Variants in DPP6 observed in about 807,000 individuals in gnomAD.
DPP6 encodes dipeptidyl peptidase like 6.
A neutral mutation model predicts 122.6 loss-of-function variants in DPP6; 69 were observed. The ratio of observed to expected loss-of-function variants is 0.56; its 90% CI spans 0.46 to 0.69. The LOEUF (loss-of-function observed/expected upper bound fraction) is 0.69, where lower values mean the gene tolerates loss of function less well. DPP6 is among the 30% of genes least tolerant of loss of function. The probability of loss-of-function intolerance (pLI) is 0.00; values close to 1 mark genes in which losing one functional copy is unlikely to be tolerated. For missense variants in DPP6, 928 were observed against 1,116.9 expected (o/e 0.83, Z 2.41); for synonymous variants, 418 against 433.1 (o/e 0.97, Z 0.43).
At chr7:153,983,872 G>A (rs1189927627) in intron 1 of DPP6, among the ~76,000 whole-genome samples, 1 of 152,008 alleles carries the variant, frequency 6.6e-6, no homozygotes. Context: ...TCCATGGGCT[G>A]CACCCACTGT....
chr7:154,134,692 C>T (rs1176455500), intron 1 of DPP6, among the ~76,000 whole-genome samples: 6 of 152,158 alleles, frequency 3.9e-5, no homozygotes, highest in Non-Finnish European at 8.8e-5. Context: ...GTGTATACTT[C>T]CTTTGAGCGT....
At chr7:154,583,287 C>T (rs1319258154) in intron 5 of DPP6, among the ~76,000 whole-genome samples, 1 of 152,196 alleles carries the variant, frequency 6.6e-6, no homozygotes, top group African/African-American at 2.4e-5. Context: ...TGACGGCTCA[C>T]CTCTTGTGTA....
upstream of DPP6, among the ~76,000 whole-genome samples, chr7:153,885,567 C>G (rs1010377295): frequency 6.6e-6 from 1 of 152,160 alleles, no homozygotes. Context: ...GCACCTTGGT[C>G]TTGGACTTCC....
At chr7:154,699,371 C>T (rs1328395646) in intron 7 of DPP6, among the ~76,000 whole-genome samples, 1 of 152,276 alleles carries the variant, frequency 6.6e-6, no homozygotes, top group East Asian at 1.9e-4. Flanking sequence ...TGACAAGTCT[C>T]GGATCTAACT....
the DPP6 span, among the ~76,000 whole-genome samples, chr7:153,752,138 A>G: frequency 1.3e-5 from 2 of 152,198 alleles, no homozygotes; most frequent in Non-Finnish European, 2.9e-5. Context: ...GCCACACAAG[A>G]TGAGGCATTA....
At chr7:154,571,310 G>A (rs1831095473) in intron 5 of DPP6, among the ~76,000 whole-genome samples, 1 of 152,026 alleles carries the variant, frequency 6.6e-6, no homozygotes, top group South Asian at 2.1e-4. Flanking sequence ...GAAAAAGAAT[G>A]TAAAATGCAT....
At chr7:154,180,415 C>G (rs1325780016) in intron 1 of DPP6, among the ~76,000 whole-genome samples, 1 of 139,336 alleles carries the variant, frequency 7.2e-6, no homozygotes, top group Non-Finnish European at 1.5e-5. Context: ...ATATATATAT[C>G]TATATATAAT....
intron 4 of DPP6, among the ~76,000 whole-genome samples, chr7:154,545,927 T>G (rs1404229264): frequency 6.6e-6 from 1 of 152,216 alleles, no homozygotes; most frequent in African/African-American, 2.4e-5. Context: ...ATTTATATAG[T>G]CATTCATTGT....
In DPP6 at chr7:154,456,383, T is replaced by G. The variant is rs532180233; in HGVS notation, c.358+10055T>G. Among the ~76,000 whole-genome samples, 6 of 152,292 alleles carry G rather than the reference T, an allele frequency of 3.9e-5. No homozygotes were observed. The East Asian group carries it at 1.2e-3, about 29-fold the overall frequency. ...CACCAGAAGTTCAGTTAAGTGATAA[T>G]TTGCAGGACCTCCCATTTAATCAGT... is the stretch of plus-strand genomic sequence containing the variant. On this transcript the variant is annotated intron_variant, in intron 2 of 25. Coordinates refer to ENST00000377770, the MANE Select transcript of DPP6 (RefSeq NM_130797.4).
chr7:154,438,650 T>C (rs1321437767), intron 1 of DPP6, among the ~76,000 whole-genome samples: 1 of 152,148 alleles, frequency 6.6e-6, no homozygotes, highest in Non-Finnish European at 1.5e-5. Flanking sequence ...CCTTTTTGCC[T>C]TTGTCTCTTT....
At chr7:154,465,562 T>C (rs889405141) in intron 2 of DPP6, among the ~76,000 whole-genome samples, 21 of 152,208 alleles carry the variant, frequency 1.4e-4, no homozygotes, top group African/African-American at 4.8e-4. Context: ...GAACAGACAC[T>C]TTTCAAAAGA....
At chr7:154,130,913 G>A (rs1221687664) in intron 1 of DPP6, among the ~76,000 whole-genome samples, 2 of 152,158 alleles carry the variant, frequency 1.3e-5, no homozygotes, top group African/African-American at 4.8e-5. Context: ...GACATGTCCA[G>A]GTCCTTCAGA....
intron 3 of DPP6, among the ~76,000 whole-genome samples, chr7:154,510,230 T>A (rs10247421): frequency 0.27 from 40,752 of 152,024 alleles, 5,702 homozygotes; most frequent in Middle Eastern, 0.3. Context: ...CACTCAACCA[T>A]GAGAAATACT....
chr7:154,366,752 G>T (rs757157878), intron 1 of DPP6, among the ~76,000 whole-genome samples: 3 of 151,938 alleles, frequency 2.0e-5, no homozygotes, highest in African/African-American at 4.8e-5. Context: ...TAGTTAAATG[G>T]GATAAAAAAA....
chr7:154,115,454 T>G (rs1806915691), intron 1 of DPP6, among the ~76,000 whole-genome samples: 1 of 152,244 alleles, frequency 6.6e-6, no homozygotes, highest in East Asian at 1.9e-4. Flanking sequence ...ATCTTCATTC[T>G]CATGGCTCTT....
chr7:154,642,853 G>T (rs1212075124), intron 6 of DPP6, among the ~76,000 whole-genome samples: 1 of 152,120 alleles, frequency 6.6e-6, no homozygotes, highest in Non-Finnish European at 1.5e-5. Flanking sequence ...AGTGAGCTGA[G>T]ATTGTGCCAC....
At chr7:153,800,386 G>T in the DPP6 span, among the ~76,000 whole-genome samples, 1 of 152,160 alleles carries the variant, frequency 6.6e-6, no homozygotes, top group Admixed American at 6.5e-5. Flanking sequence ...TTTCATGAAG[G>T]CAAAGAGTAG....
chr7:154,506,414 C>T (rs1284326155), intron 3 of DPP6, among the ~76,000 whole-genome samples: 9 of 152,246 alleles, frequency 5.9e-5, no homozygotes, highest in East Asian at 3.9e-4. Context: ...TAGAAACCCA[C>T]ATTCCTGAGA....
At chr7:154,506,403 A>G (rs1223505470) in intron 3 of DPP6, among the ~76,000 whole-genome samples, 1 of 152,178 alleles carries the variant, frequency 6.6e-6, no homozygotes. Flanking sequence ...TATTGAATAT[A>G]TAGAAACCCA....
Sources: gnomAD v4.1 joint callset for allele counts (sites outside exome capture counted in the v4.1 genomes callset) on GRCh38, gnomAD v4.1.1 for gene constraint, MANE v1.5 for transcripts, NCBI Gene and HGNC (gene_info 2026-07-23, HGNC 2026-07-21) for gene names.